SLC4A10: variants seen among roughly 807,000 people sequenced by gnomAD.
SLC4A10 encodes the protein sodium-driven chloride bicarbonate exchanger.
SLC4A10 carries 42 observed loss-of-function variants against 137.7 expected under a neutral mutation model. The ratio of observed to expected loss-of-function variants is 0.30; its 90% confidence interval spans 0.24 to 0.39. The LOEUF (loss-of-function observed/expected upper bound fraction) is 0.39, where lower values mean the gene tolerates loss of function less well. SLC4A10 is among the 10% of genes least tolerant of loss of function. The pLI is 1.00. For synonymous variants in SLC4A10, 474 were observed against 464.1 expected (o/e 1.02, Z -0.27); for missense variants, 925 against 1,355.0 (o/e 0.68, Z 4.98).
chr2:161,809,725 A>G lies in SLC4A10; in HGVS notation c.277+5130A>G, dbSNP rs528536946. The stretch of plus-strand genomic sequence containing the variant: ...ATTTCTGGATTCTCTATTCTATTCC[A>G]TTAGTGTGTGTGTCTGTTTTTTGTA... On this transcript the variant is annotated intron_variant, in intron 3 of 26. Transcript: ENST00000446997. 5.3e-5 allele frequency among the ~76,000 whole-genome samples: 8 copies of G among 152,048 alleles called. No individual in the cohort carries two copies. In the East Asian group the frequency reaches 1.5e-3, roughly 29 times the overall value.
chr2:161,828,367 TA>T (rs2058167822), intron 3 of SLC4A10, among the ~76,000 whole-genome samples: 1 of 152,068 alleles, frequency 6.6e-6, no homozygotes. Flanking sequence ...CTTACAAAAC[TA>T]AATTACTGTT....
intron 13 of SLC4A10, among the ~76,000 whole-genome samples, 200 bp from the exon 14 acceptor site, chr2:161,904,576 A>G: frequency 6.6e-6 from 1 of 151,962 alleles, no homozygotes; most frequent in East Asian, 1.9e-4. Context: ...TGAAGAGAAC[A>G]CTCCTACCTT....
chr2:161,782,387 G>T (rs986633381), intron 2 of SLC4A10, among the ~76,000 whole-genome samples: 2 of 151,838 alleles, frequency 1.3e-5, no homozygotes, highest in African/African-American at 2.4e-5. Flanking sequence ...TCCATATAAG[G>T]CCAGCTCTTT....
chr2:161,635,763 G>T (rs1373534282), intron 1 of SLC4A10, among the ~76,000 whole-genome samples: 1 of 152,086 alleles, frequency 6.6e-6, no homozygotes, highest in Non-Finnish European at 1.5e-5. Flanking sequence ...TGAAGTATTG[G>T]TTATAGCTAT....
At chr2:161,863,087 T>A in intron 6 of SLC4A10, 25 bp downstream of exon 6, 1 of 1,605,486 alleles carries the variant, frequency 6.2e-7, no homozygotes. Flanking sequence ...ATTGTGCTCT[T>A]TATGTCTACT....
In SLC4A10 at chr2:161,962,818, A is replaced by C. The variant is rs1338867042; in HGVS notation, c.2863-1317A>C. The stretch of plus-strand genomic sequence containing the variant: ...AGTTTGAGATTCCTATTATGTATAC[A>C]AGCAGGTCTTGGTAAAACAGGGTGT... On this transcript the variant is annotated intron_variant, in intron 21 of 26. Transcript: ENST00000446997. Among the ~76,000 whole-genome samples, 3 of 152,152 alleles carry C rather than the reference A, an allele frequency of 2.0e-5. No homozygotes were observed. In the East Asian group the frequency reaches 5.8e-4, roughly 29 times the overall value.
intron 11 of SLC4A10, among the ~76,000 whole-genome samples, chr2:161,895,849 T>G (rs978388108): frequency 7.9e-5 from 12 of 152,030 alleles, no homozygotes; most frequent in Non-Finnish European, 1.6e-4. Flanking sequence ...AAAATTTTCT[T>G]CCATTTTGTA....
chr2:161,636,277 A>G (rs745523818), intron 1 of SLC4A10, among the ~76,000 whole-genome samples: 6 of 152,162 alleles, frequency 3.9e-5, no homozygotes, highest in Non-Finnish European at 7.4e-5. Flanking sequence ...TTCACTTAAC[A>G]TAATGTTCTG....
chr2:161,628,330 G>A (rs1277321452), intron 1 of SLC4A10, among the ~76,000 whole-genome samples: 1 of 151,922 alleles, frequency 6.6e-6, no homozygotes, highest in African/African-American at 2.4e-5. Flanking sequence ...CTTAAGTTGA[G>A]CTTACTCATA....
chr2:161,664,161 A>C (rs2038771461), intron 1 of SLC4A10, among the ~76,000 whole-genome samples: 1 of 151,922 alleles, frequency 6.6e-6, no homozygotes, highest in Admixed American at 6.6e-5. Flanking sequence ...TCTTTTTTTT[A>C]AATCCTGCAT....
intron 12 of SLC4A10, among the ~76,000 whole-genome samples, chr2:161,902,778 A>G (rs546780482): frequency 1.3e-5 from 2 of 152,318 alleles, no homozygotes; most frequent in Admixed American, 6.5e-5. Flanking sequence ...TAATATGTAC[A>G]TCTTTTATTT....
intron 3 of SLC4A10, among the ~76,000 whole-genome samples, chr2:161,814,709 T>C (rs1428700567): frequency 1.3e-5 from 2 of 152,076 alleles, no homozygotes; most frequent in African/African-American, 4.8e-5. Flanking sequence ...AAGTGGGAGC[T>C]AAACATTGGG....
chr2:161,980,648 CA>C (rs1221037449), intron 26 of SLC4A10, among the ~76,000 whole-genome samples: 1 of 151,566 alleles, frequency 6.6e-6, no homozygotes, highest in East Asian at 1.9e-4. Context: ...CACTCTGTCT[CA>C]AAAAAAACAA....
At chr2:161,769,554 T>G (rs1221751183) in intron 1 of SLC4A10, among the ~76,000 whole-genome samples, 3 of 151,942 alleles carry the variant, frequency 2.0e-5, no homozygotes, top group African/African-American at 7.2e-5. Context: ...TTGATTAGAT[T>G]TTGACTTTAG....
At chr2:161,776,818 G>T (rs555801220) in intron 2 of SLC4A10, among the ~76,000 whole-genome samples, 13 of 151,454 alleles carry the variant, frequency 8.6e-5, no homozygotes, top group African/African-American at 3.1e-4. Context: ...ACAAAAATGC[G>T]CAAGGGGTCT....
At chr2:161,820,808 A>G (rs2057550858) in intron 3 of SLC4A10, among the ~76,000 whole-genome samples, 1 of 152,182 alleles carries the variant, frequency 6.6e-6, no homozygotes, top group African/African-American at 2.4e-5. Flanking sequence ...GAATGAAATT[A>G]TCAATTGCTG....
At chr2:161,913,707 AC>A (rs1686412750) in intron 15 of SLC4A10, among the ~76,000 whole-genome samples, 1 of 151,092 alleles carries the variant, frequency 6.6e-6, no homozygotes, top group South Asian at 2.1e-4. Context: ...GAAGAGTAGA[AC>A]CCTTTTTTGT....
intron 23 of SLC4A10, among the ~76,000 whole-genome samples, chr2:161,970,518 C>G (rs1412654634): frequency 6.6e-6 from 1 of 152,168 alleles, no homozygotes; most frequent in Non-Finnish European, 1.5e-5. Context: ...AAGGATTGAG[C>G]TTGATTTCTG....
chr2:161,758,011 CAT>C (rs1455160926), intron 1 of SLC4A10, among the ~76,000 whole-genome samples: 2 of 151,942 alleles, frequency 1.3e-5, no homozygotes, highest in African/African-American at 4.8e-5. Context: ...TCTATTCCCT[CAT>C]GTCTCATTTC....
Sources: gnomAD v4.1 joint callset for allele counts (sites outside exome capture counted in the v4.1 genomes callset) on GRCh38, gnomAD v4.1.1 for gene constraint, MANE v1.5 for transcripts, NCBI Gene and HGNC (gene_info 2026-07-23, HGNC 2026-07-21) for gene names.